HIVEP1: variants seen among roughly 807,000 people sequenced by gnomAD.
The protein encoded by HIVEP1 is zinc finger protein 40.
HIVEP1 carries 36 observed loss-of-function variants against 180.0 expected under a neutral mutation model. The observed-to-expected ratio is 0.20, with a 90% CI of 0.15 to 0.26. HIVEP1 has a LOEUF of 0.26. HIVEP1 is among the 10% of genes least tolerant of loss of function. HIVEP1 has a pLI of 1.00. For missense variants in HIVEP1, 3,143 were observed against 3,268.7 expected, an observed-to-expected ratio of 0.96 and a Z score of 0.94; for synonymous variants, 1,239 against 1,239.0, an observed-to-expected ratio of 1.00 and a Z score of 0.00.
intron 2 of HIVEP1, among the ~76,000 whole-genome samples, chr6:12,035,827 A>G (rs1769242519): frequency 6.6e-6 from 1 of 152,240 alleles, no homozygotes; most frequent in Non-Finnish European, 1.5e-5. Context: ...TAGGGCTTAG[A>G]GAATTACAGT....
chr6:12,069,646 G>A (rs61235321), intron 2 of HIVEP1, among the ~76,000 whole-genome samples: 4 of 150,938 alleles, frequency 2.7e-5, no homozygotes, highest in Non-Finnish European at 4.4e-5. Context: ...TGGGTGCAGC[G>A]CACCAGCATG....
chr6:12,098,329 A>C (rs552555387), intron 3 of HIVEP1, among the ~76,000 whole-genome samples: 4 of 152,328 alleles, frequency 2.6e-5, no homozygotes, highest in Non-Finnish European at 5.9e-5. Flanking sequence ...GACTGTGAAA[A>C]ACAAAGAAAT....
At chr6:12,007,715 C>T (rs1224616780), upstream of HIVEP1, 5 of 151,936 alleles carry the variant, frequency 3.3e-5, no homozygotes, top group African/African-American at 1.2e-4. Flanking sequence ...GTACTTCCAC[C>T]ACTGCCAAAT....
At chr6:12,090,615 A>G (rs1404479830) in intron 3 of HIVEP1, among the ~76,000 whole-genome samples, 2 of 152,066 alleles carry the variant, frequency 1.3e-5, no homozygotes, top group Non-Finnish European at 2.9e-5. Context: ...AGAAGAGTAA[A>G]GATGTCTCCA....
chr6:12,094,628 G>A (rs1022712226), intron 3 of HIVEP1, among the ~76,000 whole-genome samples: 30 of 151,810 alleles, frequency 2.0e-4, no homozygotes, highest in Admixed American at 5.9e-4. Context: ...AGTGACTTAC[G>A]TATCTTTAAA....
intron 1 of HIVEP1, among the ~76,000 whole-genome samples, chr6:12,013,733 T>G (rs1282619988): frequency 6.6e-6 from 1 of 152,268 alleles, no homozygotes; most frequent in South Asian, 2.1e-4. Flanking sequence ...CTGAATTAGA[T>G]AGTGGATGTT....
In HIVEP1 at chr6:12,125,724, C is replaced by G. The variant is rs766128905; in HGVS notation, c.5929C>G (p.Pro1977Ala). ...DWTVSASNPN[P>A]LGLPTKVALA... ...GACAGTAAGCGCCAGTAATCCAAAT[C>G]CACTCGGTTTGCCCACAAAAGTTGC... The change falls in exon 4 of 9, where the codon CCA becomes GCA. Residue 1977 changes from proline to alanine, a missense_variant. Around this residue, in one of 12 missense-constraint regions of HIVEP1, gnomAD observed 1,357 missense variants for 1,260.5 expected, o/e 1.08. Transcript: ENST00000379388. 2 of 1,614,204 alleles carry G rather than the reference C, an allele frequency of 1.2e-6. No homozygotes were observed. The highest frequency in any genetic ancestry group is 3.3e-5 in the Admixed American group (2 of 60,028).
downstream of HIVEP1, among the ~76,000 whole-genome samples, chr6:12,166,759 T>C (rs537308242): frequency 6.6e-4 from 100 of 152,328 alleles, no homozygotes; most frequent in Middle Eastern, 3.4e-3. Flanking sequence ...TTGACTTTTA[T>C]TCTGTTGCAC....
chr6:12,196,906 G>A, the HIVEP1 span, among the ~76,000 whole-genome samples: 6 of 152,162 alleles, frequency 3.9e-5, no homozygotes, highest in African/African-American at 1.4e-4. Flanking sequence ...GAGATTTATT[G>A]AGTACTTACT....
chr6:12,064,232 A>C (rs1322906101), intron 2 of HIVEP1, among the ~76,000 whole-genome samples: 1 of 152,162 alleles, frequency 6.6e-6, no homozygotes, highest in Non-Finnish European at 1.5e-5. Flanking sequence ...GCATCCCTAT[A>C]GTGGGAACGG....
the HIVEP1 span, among the ~76,000 whole-genome samples, chr6:12,208,658 A>G: frequency 5.3e-5 from 8 of 152,284 alleles, no homozygotes; most frequent in African/African-American, 1.9e-4. Context: ...GTGGGCTCTA[A>G]TCCAGTTTAA....
chr6:12,211,674 A>G, the HIVEP1 span, among the ~76,000 whole-genome samples: 1 of 152,102 alleles, frequency 6.6e-6, no homozygotes, highest in African/African-American at 2.4e-5. Context: ...TGCAGGAAAG[A>G]GCAAAGAAGA....
intron 7 of HIVEP1, among the ~76,000 whole-genome samples, chr6:12,143,464 G>GA (rs990937846): frequency 8.5e-5 from 13 of 152,102 alleles, no homozygotes; most frequent in African/African-American, 3.1e-4. Flanking sequence ...CAGTCCCTTT[G>GA]AAAAATGGCA....
intron 3 of HIVEP1, among the ~76,000 whole-genome samples, chr6:12,115,296 G>A (rs1775141652): frequency 6.8e-6 from 1 of 147,202 alleles, no homozygotes; most frequent in African/African-American, 2.5e-5. Flanking sequence ...AAAATAAAGT[G>A]TCAGTGACTT....
At chr6:12,009,114 TGGCGGTGGCGGCGGCGGC>T, upstream of HIVEP1, among the ~76,000 whole-genome samples, 1 of 143,924 alleles carries the variant, frequency 6.9e-6, no homozygotes, top group African/African-American at 2.5e-5. Flanking sequence ...GATCTCCGCG[TGGCGGTGGCGGCGGCGGC>T]GGCGGCGGCG....
rs1461440974 is a variant in HIVEP1 at position 12,124,651 on chromosome 6, A to G, written c.4856A>G (p.Glu1619Gly). The G allele has an allele frequency of 6.2e-7, 1 of 1,614,156 alleles. No homozygotes were observed. Among genetic ancestry groups the G allele is most frequent in the Non-Finnish European group, 8.5e-7 (1 of 1,180,022 alleles). Residue 1619 changes from glutamate (E) to glycine (G), a missense_variant, in exon 4 of 9, where the codon GAG (glutamate) becomes GGG (glycine). This residue lies in a region of HIVEP1 where 1,357 missense variants were observed against 1,260.5 expected (regional missense o/e 1.08). Coordinates refer to ENST00000379388, the MANE Select transcript of HIVEP1 (RefSeq NM_002114.4). ...AATTCGCATCCTCTGCTACCACCAG[A>G]GCTCAGGCCCCTTGGAAGTCAGGTG... ...MSNSHPLLPP[E>G]LRPLGSQVQK... is the part of the protein sequence containing the mutation.
chr6:12,153,008 G>A (rs557444241), intron 7 of HIVEP1, among the ~76,000 whole-genome samples: 102 of 152,224 alleles, frequency 6.7e-4, no homozygotes, highest in African/African-American at 2.4e-3. Context: ...AAAGAAATCA[G>A]CATGCTTCTT....
At chr6:12,167,562 T>C (rs1246369567), downstream of HIVEP1, among the ~76,000 whole-genome samples, 1 of 81,750 alleles carries the variant, frequency 1.2e-5, no homozygotes, top group South Asian at 4.9e-4. Flanking sequence ...ATGTATATAT[T>C]ACATGCATGT....
the HIVEP1 span, among the ~76,000 whole-genome samples, chr6:12,201,086 A>C: frequency 6.6e-6 from 1 of 152,238 alleles, no homozygotes; most frequent in African/African-American, 2.4e-5. Flanking sequence ...CCAATAAATC[A>C]TGGTTGAATG....
Sources: gnomAD v4.1 joint callset for allele counts (sites outside exome capture counted in the v4.1 genomes callset) on GRCh38, gnomAD v4.1.1 for gene constraint, gnomAD v4.1.1 regional missense constraint, MANE v1.5 for transcripts, NCBI Gene and HGNC (gene_info 2026-07-23, HGNC 2026-07-21) for gene names.